The following VWA8 variants were observed in gnomAD, a reference collection of about 807,000 sequenced individuals.
VWA8 encodes von Willebrand factor A domain containing 8, also known as von Willebrand factor A domain-containing protein 8.
VWA8 carries 221 observed loss-of-function variants against 241.5 expected under a neutral mutation model. The ratio of observed to expected loss-of-function variants is 0.91; its 90% CI spans 0.82 to 1.02. VWA8 has a LOEUF of 1.02. Ranked by LOEUF, VWA8 falls within the 50% of genes least tolerant of loss-of-function variation. The pLI is 0.00. For missense variants in VWA8, 2,322 were observed against 2,328.7 expected (o/e 1.00, Z 0.06); for synonymous variants, 852 against 827.1 (o/e 1.03, Z -0.52).
intron 40 of VWA8, among the ~76,000 whole-genome samples, chr13:41,592,739 A>G (rs2044464625): frequency 6.6e-6 from 1 of 151,676 alleles, no homozygotes; most frequent in Admixed American, 6.6e-5. Flanking sequence ...AAAAAAAAAA[A>G]AAAAAGATTA....
chr13:41,769,735 T>C (rs1264094563), intron 20 of VWA8, among the ~76,000 whole-genome samples: 1 of 152,220 alleles, frequency 6.6e-6, no homozygotes, highest in Non-Finnish European at 1.5e-5. Flanking sequence ...TTTTACCTTT[T>C]TGAACTGGTC....
chr13:41,596,669 G>A (rs2044490202), intron 40 of VWA8, among the ~76,000 whole-genome samples: 1 of 151,802 alleles, frequency 6.6e-6, no homozygotes, highest in Non-Finnish European at 1.5e-5. Flanking sequence ...CAGACTTTCT[G>A]AAAAAGAAAT....
At chr13:41,925,842 G>T in intron 2 of VWA8, 1 of 307,642 alleles carries the variant, frequency 3.3e-6, no homozygotes, top group Non-Finnish European at 6.6e-6. Flanking sequence ...CCATAGTCAG[G>T]CAGTTTATCA....
Position 41,625,975 on chromosome 13 carries a change from C to T in VWA8, c.4612-10891G>A, listed in dbSNP as rs1445133024. Among the ~76,000 whole-genome samples, 8 of 150,446 alleles carry T rather than the reference C, an allele frequency of 5.3e-5. No individual in the cohort carries two copies. In the East Asian group the frequency reaches 1.2e-3, roughly 22 times the overall value. On this transcript the variant is annotated intron_variant, in intron 37 of 44. Transcript: ENST00000379310. Reference sequence around the variant, plus strand: ...GAAACCATCATTCTCAGCAAACTATCGCAAGGACAAAAAACCAAACACCGC... The same window carrying T: ...GAAACCATCATTCTCAGCAAACTATTGCAAGGACAAAAAACCAAACACCGC...
chr13:41,666,938 G>A (rs181384036), intron 37 of VWA8, among the ~76,000 whole-genome samples: 3 of 152,188 alleles, frequency 2.0e-5, no homozygotes, highest in Admixed American at 6.5e-5. Flanking sequence ...AAAGACACAT[G>A]TACATATAAC....
intron 21 of VWA8, among the ~76,000 whole-genome samples, chr13:41,756,957 A>G (rs543034521): frequency 6.6e-6 from 1 of 151,772 alleles, no homozygotes; most frequent in South Asian, 2.1e-4. Flanking sequence ...CTCACTTATC[A>G]TCCTTAAATA....
chr13:41,596,345 T>C (rs1323641188), intron 40 of VWA8, among the ~76,000 whole-genome samples: 1 of 152,022 alleles, frequency 6.6e-6, no homozygotes, highest in Non-Finnish European at 1.5e-5. Context: ...TTGGGGGCAA[T>C]GGGCTGGAGG....
chr13:41,729,582 A>G lies in VWA8; in HGVS notation c.2598T>C (p.Asn866=), dbSNP rs557601036. The change falls in exon 23 of 45, where the codon AAT becomes AAC. Residue 866 remains asparagine, a synonymous_variant. Transcript: ENST00000379310. The part of the protein sequence containing the change: ...VTCILKTLVE[N]GEMILADGRR... ...TTCCATCTGCTAGAATCATTTCTCC[A>G]TTTTCTACTAGAGTTTTTAAAATAC... 15 of 1,612,608 alleles carry G rather than the reference A, an allele frequency of 9.3e-6. No homozygotes were observed. The South Asian group carries it at 1.7e-4, about 18-fold the overall frequency.
chr13:41,948,506 T>C (rs932609687), intron 2 of VWA8, among the ~76,000 whole-genome samples: 2 of 152,194 alleles, frequency 1.3e-5, no homozygotes, highest in Non-Finnish European at 2.9e-5. Context: ...AGGTGAACTT[T>C]ATGGTATATG....
chr13:41,634,744 T>C, intron 37 of VWA8, among the ~76,000 whole-genome samples: 1 of 152,156 alleles, frequency 6.6e-6, no homozygotes. Flanking sequence ...CTAGCTCTAA[T>C]TTTTTTCCTT....
At chr13:41,664,614 C>G (rs766847932) in intron 37 of VWA8, among the ~76,000 whole-genome samples, 2 of 152,104 alleles carry the variant, frequency 1.3e-5, no homozygotes, top group Non-Finnish European at 2.9e-5. Context: ...TGCCTAGAAG[C>G]ATAGGATAGA....
chr13:41,868,960 C>G (rs1873455715), intron 9 of VWA8, among the ~76,000 whole-genome samples: 1 of 149,634 alleles, frequency 6.7e-6, no homozygotes, highest in Non-Finnish European at 1.5e-5. Context: ...TTTTCTATTC[C>G]TACTAATACC....
At chr13:41,901,227 C>G (rs1357785423) in intron 4 of VWA8, among the ~76,000 whole-genome samples, 1 of 151,884 alleles carries the variant, frequency 6.6e-6, no homozygotes, top group African/African-American at 2.4e-5. Context: ...ATCCACCCAC[C>G]TGGCCTCCTC....
At position 41,885,905 on chromosome 13, in the gene VWA8, A is replaced by G; in HGVS notation, c.975+15T>C. 1.3e-6 allele frequency: 2 copies of G among 1,549,198 alleles called. No homozygotes were observed. Among genetic ancestry groups the G allele is most frequent in the African/African-American group, 2.8e-5 (2 of 71,626 alleles). ...ACATATTTGGGTATGCCAGTCATTA[A>G]TTTATTTTACTTACCAAGATTTGAA... On this transcript the variant is annotated intron_variant, in intron 8 of 44. Coordinates refer to ENST00000379310, the MANE Select transcript of VWA8 (RefSeq NM_015058.2).
intron 4 of VWA8, among the ~76,000 whole-genome samples, chr13:41,897,598 C>G (rs1875177889): frequency 6.6e-6 from 1 of 152,116 alleles, no homozygotes; most frequent in African/African-American, 2.4e-5. Flanking sequence ...TTCTTGGTCT[C>G]ACTGACTTCA....
intron 37 of VWA8, among the ~76,000 whole-genome samples, chr13:41,644,023 T>C (rs1368640345): frequency 1.3e-5 from 2 of 152,096 alleles, no homozygotes; most frequent in Non-Finnish European, 2.9e-5. Flanking sequence ...TTTCTTATTA[T>C]AGGTAAAACC....
intron 30 of VWA8, among the ~76,000 whole-genome samples, 155 bp from the exon 31 acceptor site, chr13:41,692,093 T>C (rs926330270): frequency 6.6e-6 from 1 of 152,144 alleles, no homozygotes; most frequent in African/African-American, 2.4e-5. Context: ...AAGACTCTTA[T>C]GGTAAAATGG....
chr13:41,635,170 T>C (rs937275856), intron 37 of VWA8, among the ~76,000 whole-genome samples: 1 of 152,200 alleles, frequency 6.6e-6, no homozygotes, highest in African/African-American at 2.4e-5. Flanking sequence ...CTAACTAAAA[T>C]TCTACTATGA....
At chr13:41,859,926 T>G (rs547989010) in intron 12 of VWA8, among the ~76,000 whole-genome samples, 18 of 152,334 alleles carry the variant, frequency 1.2e-4, no homozygotes, top group African/African-American at 3.8e-4. Flanking sequence ...GTATCTACTT[T>G]TTCCCACTAA....
Sources: gnomAD v4.1 joint callset for allele counts (sites outside exome capture counted in the v4.1 genomes callset) on GRCh38, gnomAD v4.1.1 for gene constraint, MANE v1.5 for transcripts, NCBI Gene and HGNC (gene_info 2026-07-23, HGNC 2026-07-21) for gene names.